Variants in PRPF8 observed in about 807,000 individuals in gnomAD.
PRPF8 encodes the protein pre-mRNA-processing-splicing factor 8.
A neutral mutation model predicts 285.9 loss-of-function variants in PRPF8; 64 were observed. The ratio of observed to expected loss-of-function variants is 0.22; its 90% CI spans 0.18 to 0.28. PRPF8 has a LOEUF of 0.28. PRPF8 is among the 10% of genes least tolerant of loss of function. The pLI is 1.00. For synonymous variants in PRPF8, 1,325 were observed against 1,118.2 expected, an observed-to-expected ratio of 1.18 and a Z score of -3.69; for missense variants, 1,426 against 3,026.7, an observed-to-expected ratio of 0.47 and a Z score of 12.41.
Position 1,675,451 on chromosome 17 carries a change from C to G in PRPF8, c.2873-112G>C. The stretch of plus-strand genomic sequence containing the variant: ...CAATCCCACTATGATTCCACGTATT[C>G]ATTTGGATTGCTTTGACTATGGGCT... On this transcript the variant is annotated intron_variant, in intron 19 of 42. Coordinates refer to ENST00000304992, the MANE Select transcript of PRPF8 (RefSeq NM_006445.4). The surrounding 1 kb of genome is among the most constrained non-coding windows in gnomAD (Gnocchi z 6.0). 1.4e-6 allele frequency: 2 copies of G among 1,456,586 alleles called. No homozygotes were observed. The highest frequency in any genetic ancestry group is 1.9e-6 in the Non-Finnish European group (2 of 1,041,486). 90.2% of individuals were successfully genotyped at this position (1,456,586 alleles called of 1,614,324 possible). A position where few individuals can be genotyped will look rare whatever the true frequency, so the allele number is the denominator to read the frequency against.
Position 1,653,218 on chromosome 17 carries a change from G to A in PRPF8, c.6369+324C>T, listed in dbSNP as rs1282039549. On this transcript the variant is annotated intron_variant, in intron 39 of 42. Coordinates refer to ENST00000304992, the MANE Select transcript of PRPF8 (RefSeq NM_006445.4). The surrounding 1 kb of genome is among the most constrained non-coding windows in gnomAD (Gnocchi z 4.9). ...GCCTCCCAAAGTGCTGGGATTATAG[G>A]CATTAGCCACTGTGCCCAGCCGAGT... 1 of 471,146 alleles carries A rather than the reference G, an allele frequency of 2.1e-6. No individual in the cohort carries two copies. The highest frequency in any genetic ancestry group is 3.9e-6 in the Non-Finnish European group (1 of 256,314). 29.2% of individuals were successfully genotyped at this position (471,146 alleles called of 1,614,324 possible). A position where few individuals can be genotyped will look rare whatever the true frequency, so the allele number is the denominator to read the frequency against.
rs1265973849 is a variant in PRPF8, at chr17:1,681,926, G to A, written c.547C>T (p.Leu183=). 7 of 1,613,874 alleles carry A rather than the reference G, an allele frequency of 4.3e-6. No individual in the cohort carries two copies. The highest frequency in any genetic ancestry group is 5.1e-6 in the Non-Finnish European group (6 of 1,179,996). Residue 183 remains leucine (L), a synonymous_variant, in exon 5 of 43, where the codon CTA becomes TTA. Coordinates refer to ENST00000304992, the MANE Select transcript of PRPF8 (RefSeq NM_006445.4). ...ATGGCCTCCAGTGGCTCAACATCTA[G>A]GATGTTGTCAGCATAGTCCAAGGGC... ...EPPLDYADNI[L]DVEPLEAIQL...
intron 24 of PRPF8, among the ~76,000 whole-genome samples, chr17:1,665,891 T>G (rs371619436): frequency 3.3e-5 from 5 of 149,380 alleles, no homozygotes; most frequent in African/African-American, 1.2e-4. Context: ...CCAGGTGCGG[T>G]GGCTCACACC....
In PRPF8 at chr17:1,661,751, A is replaced by G; in HGVS notation, c.4062T>C (p.Arg1354=). ...GGTCTTCTTCATGGCTCATTCCTGAACGAAAGTGTGTGATACCTACATCTG... is the reference window on the plus strand; with the variant it reads ...GGTCTTCTTCATGGCTCATTCCTGAGCGAAAGTGTGTGATACCTACATCTG... The part of the protein sequence containing the change: ...KQTDVGITHF[R]SGMSHEEDQL... Residue 1354 remains arginine, a synonymous_variant, in exon 26 of 43, where the codon CGT becomes CGC. Transcript: ENST00000304992. The surrounding 1 kb of genome is among the most constrained non-coding windows in gnomAD (Gnocchi z 7.3). The G allele has an allele frequency of 6.2e-7, 1 of 1,614,254 alleles. No homozygotes were observed.
chr17:1,669,081 C>T (rs1422013701), intron 24 of PRPF8, among the ~76,000 whole-genome samples: 1 of 152,126 alleles, frequency 6.6e-6, no homozygotes, highest in African/African-American at 2.4e-5. Flanking sequence ...CCTAGGGAGA[C>T]CCTCTGCACC....
chr17:1,684,655 C>A (rs958918372), intron 1 of PRPF8, 73 bp from the exon 2 acceptor site: 2 of 1,383,430 alleles, frequency 1.4e-6, no homozygotes, highest in Non-Finnish European at 2.0e-6. Flanking sequence ...AGAAAGGCGT[C>A]CGGGGACCCC....
Position 1,650,729 on chromosome 17 carries a change from T to C in PRPF8, c.*73A>G. ...GACAGAGGGAAAGAGGCCAAACTGC[T>C]GAATGTCAGCGGCCTGTCTGGAGGG... On this transcript the variant is annotated 3_prime_UTR_variant, in exon 43 of 43. Coordinates refer to ENST00000304992, the MANE Select transcript of PRPF8 (RefSeq NM_006445.4). The C allele has an allele frequency of 1.3e-6, 2 of 1,577,158 alleles. No individual in the cohort carries two copies. The highest frequency in any genetic ancestry group is 1.7e-6 in the Non-Finnish European group (2 of 1,148,400).
intron 24 of PRPF8, among the ~76,000 whole-genome samples, chr17:1,668,393 GCT>G (rs1912115580): frequency 8.9e-6 from 1 of 112,036 alleles, no homozygotes; most frequent in South Asian, 2.9e-4. Flanking sequence ...ACAGAGTCTT[GCT>G]CTGTCACCCA....
Position 1,653,440 on chromosome 17 carries a change from T to A in PRPF8, c.6369+102A>T. 6.6e-7 allele frequency: 1 copy of A among 1,507,694 alleles called. No individual in the cohort carries two copies. The highest frequency in any genetic ancestry group is 1.1e-5 in the South Asian group (1 of 87,824). The allele number at this position is 1,507,694 out of a possible 1,614,324, so 93.4% of individuals were successfully genotyped here. A position where few individuals can be genotyped will look rare whatever the true frequency, so the allele number is the denominator to read the frequency against. On this transcript the variant is annotated intron_variant, in intron 39 of 42. Coordinates refer to ENST00000304992, the MANE Select transcript of PRPF8 (RefSeq NM_006445.4). This position sits in a 1 kb window ranked among gnomAD's most constrained non-coding sequence, Gnocchi z 4.9. ...CCTTGTATAATTACTCATCCATGAATCTTGAAACCAGCATCTCAAGTTCCA... is the reference window on the plus strand; with the variant it reads ...CCTTGTATAATTACTCATCCATGAAACTTGAAACCAGCATCTCAAGTTCCA...
chr17:1,683,467 A>C, intron 3 of PRPF8, 66 bp downstream of exon 3: 1 of 1,554,634 alleles, frequency 6.4e-7, no homozygotes, highest in Non-Finnish European at 8.9e-7. Flanking sequence ...TCAATCCAAG[A>C]CTGTGGGACA....
rs779488719 is a variant in PRPF8 at position 1,650,928 on chromosome 17, A to G, written c.6882T>C (p.Tyr2294=). Residue 2294 remains tyrosine, a synonymous_variant, in exon 43 of 43, where the codon TAT becomes TAC. Coordinates refer to ENST00000304992, the MANE Select transcript of PRPF8 (RefSeq NM_006445.4). ...MGVRHDPNMK[Y]ELQLANPKEF... ...CTTTGGGGTTCGCCAGCTGTAGCTC[A>G]TATTTCATGTTGGGGTCATGCCGAA... 50 of 1,614,038 alleles carry G rather than the reference A, an allele frequency of 3.1e-5. No individual in the cohort carries two copies. Among genetic ancestry groups the G allele is most frequent in the Admixed American group, 2.2e-4 (13 of 60,006 alleles).
chr17:1,660,785 CTTCTTCCACTTCATAGA>C lies in PRPF8; in HGVS notation c.4534_4550del (p.Ser1512AlafsTer3). The C allele has an allele frequency of 6.2e-7, 1 of 1,613,924 alleles. No homozygotes were observed. The highest frequency in any genetic ancestry group is 8.5e-7 in the Non-Finnish European group (1 of 1,180,040). ...GTCCTGATCGCTGAGCATTAGTTAGCTTCTTCCACTTCATAGATTCCTCAAAGCCACTGGCCTTCTCC... is the reference window on the plus strand; with the variant it reads ...GTCCTGATCGCTGAGCATTAGTTAGCTTCCTCAAAGCCACTGGCCTTCTCC... On this transcript the variant is annotated frameshift_variant, in exon 29 of 43. Coordinates refer to ENST00000304992, the MANE Select transcript of PRPF8 (RefSeq NM_006445.4). LOFTEE classifies it high-confidence loss of function.
In PRPF8 at chr17:1,684,550, G is replaced by A; in HGVS notation, c.22C>T (p.Arg8Ter). Residue 8 changes from arginine to a stop codon, truncating the protein, a stop_gained, in exon 2 of 43, where the codon CGA becomes TGA. Transcript: ENST00000304992. LOFTEE classifies it high-confidence loss of function. MAGVFPYRGPGNPVPGPL... is the reference protein window; with the variant it reads MAGVFPY ...CCAGGCACCGGGTTACCCGGCCCTC[G>A]ATAAGGAAACACTCCGGCCATATCC... 1.2e-6 allele frequency: 2 copies of A among 1,612,602 alleles called. No individual in the cohort carries two copies. The highest frequency in any genetic ancestry group is 8.5e-7 in the Non-Finnish European group (1 of 1,179,886).
In PRPF8 at chr17:1,675,148, G is replaced by A. The variant is rs776890761; in HGVS notation, c.3060+4C>T. The A allele has an allele frequency of 8.7e-6, 14 of 1,613,192 alleles. No homozygotes were observed. The highest frequency in any genetic ancestry group is 2.2e-5 in the East Asian group (1 of 44,890). ...AATTCCATGCTACTGCGCCTGAGAC[G>A]CACCTTATAGTTGATGACGACGTTG... On this transcript the variant is annotated splice_donor_region_variant and intron_variant, in intron 20 of 42. Transcript: ENST00000304992. The surrounding 1 kb of genome is among the most constrained non-coding windows in gnomAD (Gnocchi z 6.0).
chr17:1,683,806 C>T, intron 2 of PRPF8, 105 bp from the exon 3 acceptor site: 3 of 1,398,782 alleles, frequency 2.1e-6, no homozygotes, highest in East Asian at 2.5e-5. Context: ...GAGAAGCAGG[C>T]ACCAGCAGGA....
At position 1,675,542 on chromosome 17, in the gene PRPF8, T is replaced by C. The variant is rs534171635; in HGVS notation, c.2872+78A>G. On this transcript the variant is annotated intron_variant, in intron 19 of 42. Transcript: ENST00000304992. This position sits in a 1 kb window ranked among gnomAD's most constrained non-coding sequence, Gnocchi z 6.0. ...ACGCATCAAGAGAGTAAACCAATCA[T>C]GCTACCCAGATGAGATTTTTGACGT... is the stretch of plus-strand genomic sequence containing the variant. The C allele has an allele frequency of 2.1e-4, 334 of 1,579,026 alleles. 3 individuals carry two copies. The South Asian group carries it at 2.3e-3, about 11-fold the overall frequency.
chr17:1,683,350 G>C (rs1181914129), intron 3 of PRPF8, 183 bp downstream of exon 3: 1 of 712,998 alleles, frequency 1.4e-6, no homozygotes, highest in Non-Finnish European at 2.5e-6. Context: ...TCCCAGATCG[G>C]GAAGAGAGGG....
Position 1,658,679 on chromosome 17 carries a change from A to G in PRPF8, c.5223T>C (p.Tyr1741=), listed in dbSNP as rs1338417705. Residue 1741 remains tyrosine (Y), a synonymous_variant, in exon 33 of 43, where the codon TAT becomes TAC. Coordinates refer to ENST00000304992, the MANE Select transcript of PRPF8 (RefSeq NM_006445.4). The surrounding 1 kb of genome is among the most constrained non-coding windows in gnomAD (Gnocchi z 4.1). ...CCTTGCGGATCCGTTCACGTAACAC[A>G]TACAGGGCAGGGTTTGCCTTCATGA... is the stretch of plus-strand genomic sequence containing the variant. ...AKIMKANPAL[Y]VLRERIRKGL... The G allele has an allele frequency of 2.5e-6, 4 of 1,614,236 alleles. No individual in the cohort carries two copies. The Admixed American group carries it at 5.0e-5, about 20-fold the overall frequency.
chr17:1,674,791 G>A (rs1344121351), intron 20 of PRPF8, 111 bp from the exon 21 acceptor site: 12 of 1,166,856 alleles, frequency 1.0e-5, no homozygotes, highest in Admixed American at 1.7e-5. Context: ...CCACTCCCGA[G>A]GCGGAGTTGT....
Sources: allele counts gnomAD v4.1 joint callset (sites outside exome capture counted in the v4.1 genomes callset), GRCh38; gene constraint gnomAD v4.1.1; non-coding constraint Gnocchi (gnomAD v3.1); transcripts MANE v1.5; gene names NCBI Gene and HGNC (gene_info 2026-07-23, HGNC 2026-07-21).